The following TSHR variants were observed in gnomAD, a reference collection of about 807,000 sequenced individuals.
TSHR encodes thyroid stimulating hormone receptor, also known as thyrotropin receptor.
A neutral mutation model predicts 64.1 loss-of-function variants in TSHR; 51 were observed. The ratio of observed to expected loss-of-function variants is 0.80; its 90% CI spans 0.64 to 1.01. TSHR has a LOEUF of 1.01. TSHR is among the 50% of genes least tolerant of loss of function. The probability of loss-of-function intolerance (pLI) is 0.00; values close to 1 mark genes in which losing one functional copy is unlikely to be tolerated. For synonymous variants in TSHR, 361 were observed against 361.9 expected, an observed-to-expected ratio of 1.00 and a Z score of 0.03; for missense variants, 877 against 942.8, an observed-to-expected ratio of 0.93 and a Z score of 0.91.
rs962403302 is a variant in TSHR at position 80,964,444 on chromosome 14, A to G, written c.170+8594A>G. Reference sequence around the variant, plus strand: ...TTTGTCTGAATTTATCAGTCAATTTACTAGAGTAGTAGTTTTTTGTCCAGA... The same window carrying G: ...TTTGTCTGAATTTATCAGTCAATTTGCTAGAGTAGTAGTTTTTTGTCCAGA... On this transcript the variant is annotated intron_variant, in intron 1 of 9. Coordinates refer to ENST00000298171, the MANE Select transcript of TSHR (RefSeq NM_000369.5). Among the ~76,000 whole-genome samples the G allele has an allele frequency of 2.6e-5, 4 of 152,348 alleles. No individual in the cohort carries two copies. In the South Asian group the frequency reaches 8.3e-4, roughly 32 times the overall value.
At chr14:81,003,949 T>G (rs570819885) in intron 1 of TSHR, among the ~76,000 whole-genome samples, 2 of 152,342 alleles carry the variant, frequency 1.3e-5, no homozygotes, top group Non-Finnish European at 2.9e-5. Context: ...ACTGATTTAC[T>G]AAGGGCTTGT....
intron 1 of TSHR, among the ~76,000 whole-genome samples, chr14:81,049,111 C>T (rs996319549): frequency 6.6e-6 from 1 of 152,108 alleles, no homozygotes; most frequent in African/African-American, 2.4e-5. Flanking sequence ...ATGTACTGTA[C>T]TCACGTAGGT....
At chr14:81,066,010 C>A (rs75529164) in intron 2 of TSHR, among the ~76,000 whole-genome samples, 5,497 of 152,214 alleles carry the variant, frequency 0.036, 204 homozygotes, top group African/African-American at 0.097. Context: ...GAAGTAGGAT[C>A]TGATTTTTCC....
intron 1 of TSHR, chr14:80,992,409 A>AAAT (rs1888786204): frequency 6.6e-6 from 1 of 151,652 alleles, no homozygotes; most frequent in African/African-American, 2.4e-5. Context: ...AAAAAAAAAA[A>AAAT]AAAAAAAATA....
intron 8 of TSHR, among the ~76,000 whole-genome samples, chr14:81,137,402 C>T (rs1400090579): frequency 6.6e-6 from 1 of 152,130 alleles, no homozygotes; most frequent in East Asian, 1.9e-4. Context: ...TGTCCTCTGC[C>T]CTTGAATTTG....
intron 1 of TSHR, among the ~76,000 whole-genome samples, chr14:81,019,325 C>T (rs1400093118): frequency 7.2e-6 from 1 of 139,336 alleles, no homozygotes. Context: ...CACAGCAAGA[C>T]TTTATCTCAA....
intron 1 of TSHR, among the ~76,000 whole-genome samples, chr14:80,978,764 A>G (rs4411444): frequency 0.44 from 66,773 of 151,972 alleles, 15,723 homozygotes; most frequent in East Asian, 0.64. Context: ...TGTGGCTGCC[A>G]TACCCATTTT....
At chr14:80,996,541 G>A (rs995217031) in intron 1 of TSHR, among the ~76,000 whole-genome samples, 4 of 152,128 alleles carry the variant, frequency 2.6e-5, no homozygotes, top group African/African-American at 9.7e-5. Context: ...TCAGTGTACA[G>A]GGAGTCTAGT....
At chr14:81,042,238 C>CA (rs1884957024) in intron 1 of TSHR, among the ~76,000 whole-genome samples, 1 of 151,994 alleles carries the variant, frequency 6.6e-6, no homozygotes, top group Admixed American at 6.6e-5. Flanking sequence ...GAAGTTTCCT[C>CA]AAAAAATTAA....
intron 1 of TSHR, chr14:81,052,507 C>T (rs758915752): frequency 2.0e-5 from 3 of 152,064 alleles, no homozygotes; most frequent in Non-Finnish European, 2.9e-5. Context: ...TATTTTTGCT[C>T]GAGATTGCTT....
rs967710846 is a variant in TSHR, at chr14:81,103,906, T to A, written c.615-4469T>A. On this transcript the variant is annotated intron_variant, in intron 7 of 9. Transcript: ENST00000298171. The surrounding 1 kb of genome is among the most constrained non-coding windows in gnomAD (Gnocchi z 4.1). ...CAGGAATAAAAATACCATTTTGATA[T>A]GCTAAGAGCCCACCAATACACTAAT... The A allele has an allele frequency of 5.1e-6, 5 of 985,362 alleles. No homozygotes were observed. In the African/African-American group the frequency reaches 8.7e-5, roughly 17 times the overall value. The allele number at this position is 985,362 out of a possible 1,614,324, so 61.0% of individuals were successfully genotyped here. A position where few individuals can be genotyped will look rare whatever the true frequency, so the allele number is the denominator to read the frequency against.
chr14:81,128,704 T>A (rs1220051571), intron 8 of TSHR, among the ~76,000 whole-genome samples: 1 of 152,208 alleles, frequency 6.6e-6, no homozygotes, highest in African/African-American at 2.4e-5. Flanking sequence ...CCTTAGGGGT[T>A]GGGCACTAGT....
At chr14:81,005,195 CTTTGTGTGTG>C (rs1889530327) in intron 1 of TSHR, among the ~76,000 whole-genome samples, 1 of 97,980 alleles carries the variant, frequency 1.0e-5, no homozygotes, top group African/African-American at 4.2e-5. Flanking sequence ...GGACTCAAGC[CTTTGTGTGTG>C]TGTGTGTGTG....
At chr14:81,067,057 C>G (rs1595040073) in intron 2 of TSHR, among the ~76,000 whole-genome samples, 1 of 152,150 alleles carries the variant, frequency 6.6e-6, no homozygotes, top group Middle Eastern at 3.4e-3. Flanking sequence ...TTACTTTTTG[C>G]TTACAAAGTT....
intron 1 of TSHR, among the ~76,000 whole-genome samples, chr14:81,044,567 A>C (rs1594993401): frequency 6.6e-6 from 1 of 151,414 alleles, no homozygotes; most frequent in East Asian, 1.9e-4. Flanking sequence ...CTGAGGCAGG[A>C]GACTTGCTTG....
intron 1 of TSHR, among the ~76,000 whole-genome samples, chr14:80,959,933 A>T (rs960745334): frequency 6.6e-6 from 1 of 152,218 alleles, no homozygotes; most frequent in Admixed American, 6.5e-5. Flanking sequence ...ACAAGTGGAA[A>T]ATTAGCATGA....
intron 1 of TSHR, chr14:81,001,545 A>G (rs1889320244): frequency 3.8e-6 from 2 of 525,414 alleles, no homozygotes; most frequent in Admixed American, 1.9e-5. Context: ...TTCAGCACTC[A>G]TTTTGGGCCA....
chr14:81,108,577 G>A, intron 8 of TSHR, 125 bp downstream of exon 8: 1 of 1,612,568 alleles, frequency 6.2e-7, no homozygotes, highest in Non-Finnish European at 8.5e-7. Flanking sequence ...CTCGGGTAAA[G>A]GCTTCTGCAA....
chr14:81,133,919 T>TA (rs1443978950), intron 8 of TSHR, among the ~76,000 whole-genome samples: 5 of 152,038 alleles, frequency 3.3e-5, no homozygotes, highest in African/African-American at 1.2e-4. Flanking sequence ...ATAATAATAA[T>TA]AAAAATAATA....
Sources: gnomAD v4.1 joint callset for allele counts (sites outside exome capture counted in the v4.1 genomes callset) on GRCh38, gnomAD v4.1.1 for gene constraint, Gnocchi (gnomAD v3.1) non-coding constraint, MANE v1.5 for transcripts, NCBI Gene and HGNC (gene_info 2026-07-23, HGNC 2026-07-21) for gene names.